STARD13: variants seen among roughly 807,000 people sequenced by gnomAD.
STARD13 encodes the protein StAR related lipid transfer domain containing 13, also known as stAR-related lipid transfer protein 13.
A neutral mutation model predicts 106.4 loss-of-function variants in STARD13; 62 were observed. The observed-to-expected ratio is 0.58, with a 90% CI of 0.48 to 0.72. The LOEUF (loss-of-function observed/expected upper bound fraction) is 0.72. STARD13 is among the 30% of genes least tolerant of loss of function. The pLI, the probability that STARD13 is intolerant of heterozygous loss-of-function variation, is 0.00. For synonymous variants in STARD13, 565 were observed against 553.0 expected, an observed-to-expected ratio of 1.02 and a Z score of -0.31; for missense variants, 1,387 against 1,424.0, an observed-to-expected ratio of 0.97 and a Z score of 0.42.
chr13:33,672,226 G>A, the STARD13 span, among the ~76,000 whole-genome samples: 1 of 152,206 alleles, frequency 6.6e-6, no homozygotes, highest in South Asian at 2.1e-4. Context: ...GGACATGGAT[G>A]TGGCTAGAAA....
At chr13:33,116,104 C>A (rs1339601226) in intron 8 of STARD13, among the ~76,000 whole-genome samples, 1 of 152,178 alleles carries the variant, frequency 6.6e-6, no homozygotes, top group Non-Finnish European at 1.5e-5. Context: ...ACACTCCTTG[C>A]CCTAATATTC....
At chr13:33,576,020 C>T in the STARD13 span, among the ~76,000 whole-genome samples, 1 of 152,066 alleles carries the variant, frequency 6.6e-6, no homozygotes, top group Non-Finnish European at 1.5e-5. Flanking sequence ...CTTGAGATGA[C>T]ACATCTTTTT....
chr13:33,395,395 T>A, the STARD13 span, among the ~76,000 whole-genome samples: 1 of 152,122 alleles, frequency 6.6e-6, no homozygotes, highest in Non-Finnish European at 1.5e-5. Flanking sequence ...TTTGGGTGAA[T>A]ATATTTATAA....
chr13:33,570,464 C>T, the STARD13 span, among the ~76,000 whole-genome samples: 1 of 148,210 alleles, frequency 6.7e-6, no homozygotes, highest in Non-Finnish European at 1.5e-5. Flanking sequence ...CTTAACTTTT[C>T]TTGGCAAGAG....
the STARD13 span, among the ~76,000 whole-genome samples, chr13:33,676,432 T>C: frequency 1.3e-5 from 2 of 152,206 alleles, no homozygotes; most frequent in African/African-American, 4.8e-5. Flanking sequence ...CACACATGTG[T>C]AAAAGTACAA....
At chr13:33,367,752 T>G in the STARD13 span, among the ~76,000 whole-genome samples, 5 of 152,008 alleles carry the variant, frequency 3.3e-5, no homozygotes, top group South Asian at 1.0e-3. Flanking sequence ...GTAAATCAAT[T>G]AGAGGCAATT....
At chr13:33,588,695 A>G in the STARD13 span, among the ~76,000 whole-genome samples, 1 of 152,352 alleles carries the variant, frequency 6.6e-6, no homozygotes, top group African/African-American at 2.4e-5. Flanking sequence ...CGCAAATGTT[A>G]TGTCCAACAG....
the STARD13 span, among the ~76,000 whole-genome samples, chr13:33,443,367 A>G: frequency 2.1e-5 from 3 of 145,216 alleles, no homozygotes; most frequent in African/African-American, 7.9e-5. Flanking sequence ...ACAAAGCGAG[A>G]TTCTGTCTCA....
At chr13:33,428,813 A>G in the STARD13 span, among the ~76,000 whole-genome samples, 9 of 152,310 alleles carry the variant, frequency 5.9e-5, no homozygotes, top group Admixed American at 3.9e-4. Flanking sequence ...TAGGAGCCCA[A>G]ACAACTCTAT....
the STARD13 span, among the ~76,000 whole-genome samples, chr13:33,602,204 G>A: frequency 6.7e-6 from 1 of 150,358 alleles, no homozygotes; most frequent in Non-Finnish European, 1.5e-5. Context: ...CGATTCTTCT[G>A]CCTCAGCCTC....
chr13:33,646,647 A>G, the STARD13 span, among the ~76,000 whole-genome samples: 2 of 151,544 alleles, frequency 1.3e-5, no homozygotes, highest in African/African-American at 4.9e-5. Flanking sequence ...CAAAGCTGTC[A>G]TTTTGCAGCT....
intron 2 of STARD13, among the ~76,000 whole-genome samples, chr13:33,167,225 T>A (rs1214663097): frequency 6.6e-6 from 1 of 151,884 alleles, no homozygotes; most frequent in Non-Finnish European, 1.5e-5. Context: ...GTGAGAGTAG[T>A]AAAGGAAAAA....
chr13:33,361,867 T>G, the STARD13 span, among the ~76,000 whole-genome samples: 1 of 152,122 alleles, frequency 6.6e-6, no homozygotes, highest in South Asian at 2.1e-4. Context: ...CAACATGAGA[T>G]TTGGGTGGGG....
chr13:33,594,122 G>A, the STARD13 span, among the ~76,000 whole-genome samples: 20 of 152,012 alleles, frequency 1.3e-4, no homozygotes, highest in Admixed American at 1.1e-3. Flanking sequence ...TTCCAGGATG[G>A]TCTCTATCTC....
At chr13:33,138,413 T>C (rs1381931464) in intron 4 of STARD13, 4 of 68,872 alleles carry the variant, frequency 5.8e-5, no homozygotes, top group Non-Finnish European at 1.7e-4. Context: ...TGTTTGGCTT[T>C]TTTTTTTTTT....
chr13:33,164,732 G>A (rs574159707), intron 3 of STARD13, among the ~76,000 whole-genome samples: 2 of 152,240 alleles, frequency 1.3e-5, no homozygotes, highest in East Asian at 1.9e-4. Flanking sequence ...AAGATAATAC[G>A]TTGTTTTAAG....
intron 1 of STARD13, chr13:33,188,351 C>T (rs9596924): frequency 6.6e-6 from 1 of 152,166 alleles, no homozygotes; most frequent in South Asian, 2.1e-4. Flanking sequence ...CCACATATGC[C>T]TGGAAAACAG....
chr13:33,575,374 C>T, the STARD13 span, among the ~76,000 whole-genome samples: 2 of 152,024 alleles, frequency 1.3e-5, no homozygotes, highest in Admixed American at 6.6e-5. Flanking sequence ...AGATATCCTG[C>T]CCACATTGGC....
intron 1 of STARD13, among the ~76,000 whole-genome samples, chr13:33,238,454 G>T (rs1189425536): frequency 6.6e-6 from 1 of 152,094 alleles, no homozygotes; most frequent in African/African-American, 2.4e-5. Flanking sequence ...TGATAAAAAA[G>T]TTTACATTAG....
Sources: allele counts gnomAD v4.1 joint callset (sites outside exome capture counted in the v4.1 genomes callset), GRCh38; gene constraint gnomAD v4.1.1; transcripts MANE v1.5; gene names NCBI Gene and HGNC (gene_info 2026-07-23, HGNC 2026-07-21).